Variants in TRIP12 observed in about 807,000 individuals in gnomAD.
TRIP12 encodes thyroid hormone receptor interactor 12.
In TRIP12, 25 loss-of-function variants were observed where a neutral mutation model predicts 244.2. The ratio of observed to expected loss-of-function variants is 0.10; its 90% CI spans 0.07 to 0.14. The LOEUF is 0.14. Among genes scored for constraint, TRIP12 ranks in the 10% least tolerant of loss-of-function variants. The pLI, the probability that TRIP12 is intolerant of heterozygous loss-of-function variation, is 1.00. For synonymous variants in TRIP12, 905 were observed against 873.1 expected, an observed-to-expected ratio of 1.04 and a Z score of -0.64; for missense variants, 1,677 against 2,486.4, an observed-to-expected ratio of 0.67 and a Z score of 6.92.
Position 229,788,953 on chromosome 2 carries a change from T to TAAA in TRIP12, c.4696-16_4696-14dup. On this transcript the variant is annotated splice_polypyrimidine_tract_variant and intron_variant, in intron 31 of 41. Coordinates refer to ENST00000675903, the MANE Select transcript of TRIP12 (RefSeq NM_001348323.3). The stretch of plus-strand genomic sequence containing the variant: ...TGCACATTGCATTCTGTAAAATGTT[T>TAAA]AAAAAAAAAAAAGTCTACATGTAGT... The TAAA allele has an allele frequency of 2.5e-6, 3 of 1,223,654 alleles. No homozygotes were observed. The highest frequency in any genetic ancestry group is 3.3e-6 in the Non-Finnish European group (3 of 898,118). The allele number at this position is 1,223,654 out of a possible 1,614,324, so 75.8% of individuals were successfully genotyped here. A position where few individuals can be genotyped will look rare whatever the true frequency, so the allele number is the denominator to read the frequency against.
intron 38 of TRIP12, 181 bp downstream of exon 38, chr2:229,773,916 T>C (rs2035386660): frequency 2.0e-6 from 1 of 508,842 alleles, no homozygotes; most frequent in African/African-American, 1.9e-5. Context: ...AGACAGGAAA[T>C]ATCTGATATG....
chr2:229,816,616 A>G (rs2048563059), intron 9 of TRIP12, among the ~76,000 whole-genome samples: 1 of 152,242 alleles, frequency 6.6e-6, no homozygotes, highest in Non-Finnish European at 1.5e-5. Flanking sequence ...TAGCGAGAGC[A>G]TACTTGTGCA....
chr2:229,802,193 A>C, intron 21 of TRIP12, 59 bp downstream of exon 21: 1 of 1,370,552 alleles, frequency 7.3e-7, no homozygotes, highest in Non-Finnish European at 9.9e-7. Context: ...TATGATTCTT[A>C]GGTACCAAAG....
chr2:229,848,978 T>C (rs1056659076), intron 4 of TRIP12, among the ~76,000 whole-genome samples: 1 of 152,186 alleles, frequency 6.6e-6, no homozygotes, highest in African/African-American at 2.4e-5. Flanking sequence ...AGAAGAAATA[T>C]TCCACCAAAA....
At chr2:229,782,512 A>G (rs966581428) in intron 34 of TRIP12, among the ~76,000 whole-genome samples, 1 of 152,120 alleles carries the variant, frequency 6.6e-6, no homozygotes, top group African/African-American at 2.4e-5. Context: ...ACTCTTTGGT[A>G]CCTTTGTCCT....
intron 4 of TRIP12, among the ~76,000 whole-genome samples, chr2:229,847,127 AGTG>A (rs1035576944): frequency 5.9e-5 from 9 of 152,216 alleles, no homozygotes; most frequent in Non-Finnish European, 8.8e-5. Flanking sequence ...ACAAGGAAAG[AGTG>A]GTGTAAATTA....
chr2:229,879,975 T>C lies in TRIP12; in HGVS notation c.98+7A>G, dbSNP rs763559325. 29 of 1,613,834 alleles carry C rather than the reference T, an allele frequency of 1.8e-5. No homozygotes were observed. Among genetic ancestry groups the C allele is most frequent in the Non-Finnish European group, 2.5e-5 (29 of 1,179,884 alleles). On this transcript the variant is annotated splice_region_variant and intron_variant, in intron 2 of 41. Coordinates refer to ENST00000675903, the MANE Select transcript of TRIP12 (RefSeq NM_001348323.3). ...AATTCCTTTTCAAATTACCATGAAA[T>C]ACATACCTTCCTCCTATTGAGTCGT...
Position 229,880,134 on chromosome 2 carries a change from A to G in TRIP12, c.-49-6T>C, listed in dbSNP as rs2064518373. 6.7e-7 allele frequency: 1 copy of G among 1,497,772 alleles called. No homozygotes were observed. Among genetic ancestry groups the G allele is most frequent in the Non-Finnish European group, 9.1e-7 (1 of 1,096,762 alleles). The allele number at this position is 1,497,772 out of a possible 1,614,324, so 92.8% of individuals were successfully genotyped here. On this transcript the variant is annotated splice_polypyrimidine_tract_variant and splice_region_variant and intron_variant, in intron 1 of 41. Coordinates refer to ENST00000675903, the MANE Select transcript of TRIP12 (RefSeq NM_001348323.3). ...TTTCTAGACACTACCATTCACTAAA[A>G]GAAAAAAAAATAAACAAAATTTATC...
intron 1 of TRIP12, among the ~76,000 whole-genome samples, chr2:229,916,766 CT>C (rs1044028848): frequency 1.3e-5 from 2 of 151,680 alleles, no homozygotes; most frequent in African/African-American, 2.4e-5. Context: ...TAGGAAACCT[CT>C]TTTTGCCAAT....
chr2:229,878,469 C>T (rs933808879), intron 2 of TRIP12, among the ~76,000 whole-genome samples: 7 of 150,112 alleles, frequency 4.7e-5, no homozygotes, highest in African/African-American at 1.7e-4. Flanking sequence ...GAAAACAAAA[C>T]AAAAAGAAAT....
chr2:229,786,283 T>TAC (rs1417363500), intron 33 of TRIP12, among the ~76,000 whole-genome samples: 2 of 152,090 alleles, frequency 1.3e-5, no homozygotes, highest in African/African-American at 4.8e-5. Flanking sequence ...GCCAAGATCC[T>TAC]ACAAGCACTA....
At chr2:229,867,459 C>T (rs1478666116) in intron 2 of TRIP12, among the ~76,000 whole-genome samples, 1 of 151,882 alleles carries the variant, frequency 6.6e-6, no homozygotes, top group African/African-American at 2.4e-5. Context: ...GCCACTGTGC[C>T]CGGCCAAAAT....
At chr2:229,796,495 G>A in intron 25 of TRIP12, 96 bp downstream of exon 25, 1 of 1,175,738 alleles carries the variant, frequency 8.5e-7, no homozygotes, top group East Asian at 2.7e-5. Context: ...TCAATGTCTT[G>A]ACCAAGACCT....
At chr2:229,814,378 T>G in intron 11 of TRIP12, 53 bp from the exon 12 acceptor site, 1 of 1,527,906 alleles carries the variant, frequency 6.5e-7, no homozygotes, top group Non-Finnish European at 9.1e-7. Flanking sequence ...TCTTTCCCAA[T>G]AACTTATCTT....
chr2:229,836,262 T>C (rs2054796896), intron 6 of TRIP12, among the ~76,000 whole-genome samples: 1 of 152,202 alleles, frequency 6.6e-6, no homozygotes, highest in Non-Finnish European at 1.5e-5. Context: ...GTTCATGTCA[T>C]TGAGAAATGT....
chr2:229,860,627 C>T, intron 2 of TRIP12, 96 bp from the exon 3 acceptor site: 1 of 1,170,800 alleles, frequency 8.5e-7, no homozygotes, highest in Admixed American at 3.4e-5. Context: ...TTAAAGCTTC[C>T]CACAATTCAT....
intron 29 of TRIP12, 64 bp from the exon 30 acceptor site, chr2:229,791,315 T>C: frequency 6.4e-7 from 1 of 1,571,608 alleles, no homozygotes; most frequent in Non-Finnish European, 8.7e-7. Flanking sequence ...AGCCAAAATC[T>C]AAGCCACAGA....
At chr2:229,771,100 A>C (rs1304423930) in intron 39 of TRIP12, among the ~76,000 whole-genome samples, 6 of 152,212 alleles carry the variant, frequency 3.9e-5, no homozygotes. Flanking sequence ...CTTTCTTAAA[A>C]CTTCAAGGAC....
chr2:229,858,821 C>T lies in TRIP12; in HGVS notation c.978G>A (p.Lys326=), dbSNP rs1365616036. The change falls in exon 4 of 42, where the codon AAG becomes AAA. Residue 326 remains lysine, a synonymous_variant. Transcript: ENST00000675903. ...AAGGTCCAGGTTTTGATGTCTCTGA[C>T]TTAGAAGACCCTGGAAGAGACAGTT... is the stretch of plus-strand genomic sequence containing the variant. ...KTKLSLPGSS[K]SETSKPGPSG... is the part of the protein sequence containing the mutation. The T allele has an allele frequency of 3.7e-6, 6 of 1,612,944 alleles. No individual in the cohort carries two copies. In the African/African-American group the frequency reaches 4.0e-5, roughly 11 times the overall value.
Sources: gnomAD v4.1 joint callset for allele counts (sites outside exome capture counted in the v4.1 genomes callset) on GRCh38, gnomAD v4.1.1 for gene constraint, MANE v1.5 for transcripts, NCBI Gene and HGNC (gene_info 2026-07-23, HGNC 2026-07-21) for gene names.